The following ROR1 variants were observed in gnomAD, a reference collection of about 807,000 sequenced individuals.
ROR1 encodes ROR family WNT receptor 1.
In ROR1, 19 loss-of-function variants were observed where a neutral mutation model predicts 78.8. The ratio of observed to expected loss-of-function variants is 0.24; its 90% CI spans 0.17 to 0.35. The LOEUF is 0.35. ROR1 is among the 10% of genes least tolerant of loss of function. The pLI is 1.00. For missense variants in ROR1, 917 were observed against 1,177.8 expected, an observed-to-expected ratio of 0.78 and a Z score of 3.24; for synonymous variants, 386 against 433.6, an observed-to-expected ratio of 0.89 and a Z score of 1.36.
At chr1:63,942,165 T>C (rs761408643) in intron 1 of ROR1, among the ~76,000 whole-genome samples, 12 of 151,314 alleles carry the variant, frequency 7.9e-5, no homozygotes, top group Admixed American at 2.6e-4. Context: ...GTTTAGAAAG[T>C]GTAAGGGCTC....
chr1:64,082,719 C>T (rs1340443944), intron 4 of ROR1, among the ~76,000 whole-genome samples: 2 of 152,230 alleles, frequency 1.3e-5, no homozygotes, highest in African/African-American at 4.8e-5. Context: ...AGTCCTTGCA[C>T]GTGGGCTCCC....
intron 1 of ROR1, among the ~76,000 whole-genome samples, chr1:63,995,814 CA>C (rs1205934743): frequency 6.6e-6 from 1 of 152,090 alleles, no homozygotes; most frequent in African/African-American, 2.4e-5. Context: ...TAGCTATTAT[CA>C]AAAAAGATTG....
chr1:63,990,806 AAAC>A (rs1220655634), intron 1 of ROR1, among the ~76,000 whole-genome samples: 1 of 152,096 alleles, frequency 6.6e-6, no homozygotes, highest in Non-Finnish European at 1.5e-5. Flanking sequence ...AACAAAAACA[AAAC>A]AAAAAGTGAA....
At chr1:63,943,518 T>C (rs1645858078) in intron 1 of ROR1, among the ~76,000 whole-genome samples, 1 of 152,190 alleles carries the variant, frequency 6.6e-6, no homozygotes. Flanking sequence ...CTCCAAGTCC[T>C]TCCTGGAGAG....
At chr1:63,906,833 T>C (rs188349081) in intron 1 of ROR1, among the ~76,000 whole-genome samples, 208 of 152,350 alleles carry the variant, frequency 1.4e-3, no homozygotes, top group Middle Eastern at 0.01. Context: ...AGACCCTCTT[T>C]TGTTACACGT....
intron 2 of ROR1, among the ~76,000 whole-genome samples, chr1:64,039,659 T>C (rs1226599035): frequency 6.6e-6 from 1 of 152,186 alleles, no homozygotes; most frequent in African/African-American, 2.4e-5. Flanking sequence ...GTGAGGATCA[T>C]GTGTCGTGTT....
In ROR1 at chr1:64,116,254, C is replaced by T. The variant is rs79367891; in HGVS notation, c.483-21115C>T. Among the ~76,000 whole-genome samples the T allele has an allele frequency of 5.3e-4, 81 of 152,240 alleles. 1 individual carries two copies. The East Asian group carries it at 0.015, about 28-fold the overall frequency. On this transcript the variant is annotated intron_variant, in intron 4 of 8. Transcript: ENST00000371079. ...CTCCTCAGATCAAAAAGCATTTCTG[C>T]GAACAGTGATATTGAACATTAAACT...
At position 64,179,024 on chromosome 1, in the gene ROR1, G is replaced by GA. The variant is rs10709706; in HGVS notation, c.*191dup. On this transcript the variant is annotated 3_prime_UTR_variant, in exon 9 of 9. Coordinates refer to ENST00000371079, the MANE Select transcript of ROR1 (RefSeq NM_005012.4). ...ACCAAGCAGGACAGACACTCGGCCA[G>GA]AAAAAAAAAAAAAAAAAAAAAACAA... 3,335 of 157,510 alleles carry GA rather than the reference G, an allele frequency of 0.021. 10 individuals carry two copies. The highest frequency in any genetic ancestry group is 0.034 in the South Asian group (419 of 12,484). 9.8% of individuals were successfully genotyped at this position (157,510 alleles called of 1,614,324 possible).
At chr1:63,955,887 C>T (rs1645978176) in intron 1 of ROR1, among the ~76,000 whole-genome samples, 1 of 152,140 alleles carries the variant, frequency 6.6e-6, no homozygotes, top group African/African-American at 2.4e-5. Context: ...GTTTTGAAGG[C>T]CATCTGAGTC....
intron 1 of ROR1, among the ~76,000 whole-genome samples, chr1:63,820,707 G>A (rs1285472235): frequency 1.3e-5 from 2 of 152,200 alleles, no homozygotes. Flanking sequence ...GTAAGGTTCT[G>A]TATGCATCCT....
chr1:64,036,816 A>G (rs1646705819), intron 2 of ROR1, among the ~76,000 whole-genome samples: 1 of 152,220 alleles, frequency 6.6e-6, no homozygotes, highest in Non-Finnish European at 1.5e-5. Context: ...GGGATCAGCT[A>G]GATGATTCTT....
chr1:63,787,295 C>T (rs1306850937), intron 1 of ROR1, among the ~76,000 whole-genome samples: 3 of 152,218 alleles, frequency 2.0e-5, no homozygotes, highest in African/African-American at 7.2e-5. Flanking sequence ...ATCACACCTG[C>T]TTATGCTGAT....
At chr1:64,009,574 C>G (rs866074760) in intron 2 of ROR1, among the ~76,000 whole-genome samples, 198 bp downstream of exon 2, 12 of 152,052 alleles carry the variant, frequency 7.9e-5, no homozygotes, top group South Asian at 2.1e-4. Flanking sequence ...GTTTCTTTCC[C>G]CCCCTCGTTC....
chr1:63,968,252 A>G (rs1646091831), intron 1 of ROR1, among the ~76,000 whole-genome samples: 2 of 152,200 alleles, frequency 1.3e-5, no homozygotes, highest in Admixed American at 6.5e-5. Context: ...ACTGACAAGC[A>G]GAATACAAAA....
chr1:63,918,864 C>T (rs1169514408), intron 1 of ROR1, among the ~76,000 whole-genome samples: 3 of 152,262 alleles, frequency 2.0e-5, no homozygotes, highest in Admixed American at 1.3e-4. Flanking sequence ...GTCCCAAAAT[C>T]GGTGGGCAGT....
At chr1:63,884,688 G>T (rs886682138) in intron 1 of ROR1, among the ~76,000 whole-genome samples, 1 of 152,080 alleles carries the variant, frequency 6.6e-6, no homozygotes, top group Non-Finnish European at 1.5e-5. Flanking sequence ...AATAAAGTCT[G>T]TCTCCACAAA....
At chr1:63,787,948 G>C (rs1356283700) in intron 1 of ROR1, among the ~76,000 whole-genome samples, 1 of 152,218 alleles carries the variant, frequency 6.6e-6, no homozygotes, top group Non-Finnish European at 1.5e-5. Context: ...TTCTGGGATG[G>C]GGAAGCTGAG....
At chr1:64,064,134 A>G (rs929280634) in intron 4 of ROR1, among the ~76,000 whole-genome samples, 1 of 152,240 alleles carries the variant, frequency 6.6e-6, no homozygotes, top group Non-Finnish European at 1.5e-5. Context: ...ACAGGTGATG[A>G]AGTTTGCCAA....
chr1:64,084,742 C>T (rs1050269383), intron 4 of ROR1, among the ~76,000 whole-genome samples: 2 of 152,170 alleles, frequency 1.3e-5, no homozygotes, highest in Admixed American at 1.3e-4. Context: ...TTAATTACCC[C>T]CCAAACTCCT....
Sources: allele counts gnomAD v4.1 joint callset (sites outside exome capture counted in the v4.1 genomes callset), GRCh38; gene constraint gnomAD v4.1.1; transcripts MANE v1.5; gene names NCBI Gene and HGNC (gene_info 2026-07-23, HGNC 2026-07-21).